STIM2: variants seen among roughly 807,000 people sequenced by gnomAD.
STIM2 encodes stromal interaction molecule 2.
Under a neutral mutation model 85.8 loss-of-function variants are expected in STIM2, and 31 were observed. The observed-to-expected ratio is 0.36, with a 90% confidence interval of 0.27 to 0.49. The LOEUF (loss-of-function observed/expected upper bound fraction) is 0.49. STIM2 is among the 20% of genes least tolerant of loss of function. The pLI is 0.98. For missense variants in STIM2, 841 were observed against 927.6 expected (o/e 0.91, Z 1.21); for synonymous variants, 356 against 331.1 (o/e 1.08, Z -0.82).
intron 1 of STIM2, among the ~76,000 whole-genome samples, chr4:26,907,513 TA>T (rs529103307): frequency 0.013 from 1,909 of 152,176 alleles, 20 homozygotes; most frequent in Non-Finnish European, 0.02. Context: ...AAGAGGGTAT[TA>T]AAAAAAACTT....
At chr4:26,935,851 T>C (rs1160173932) in intron 2 of STIM2, among the ~76,000 whole-genome samples, 1 of 152,234 alleles carries the variant, frequency 6.6e-6, no homozygotes, top group East Asian at 1.9e-4. Context: ...TTTTGCATTA[T>C]ATTTTTACAG....
chr4:26,864,832 G>T (rs77427500), intron 1 of STIM2, among the ~76,000 whole-genome samples: 2,802 of 152,224 alleles, frequency 0.018, 96 homozygotes, highest in African/African-American at 0.064. Flanking sequence ...CATCTGTGTT[G>T]TGGGGCTTTC....
intron 3 of STIM2, among the ~76,000 whole-genome samples, chr4:26,978,302 A>C (rs1211565618): frequency 6.7e-6 from 1 of 148,212 alleles, no homozygotes; most frequent in African/African-American, 2.4e-5. Flanking sequence ...TGAAAATATA[A>C]ATCTATATAT....
Position 26,919,445 on chromosome 4 carries a change from C to T in STIM2, c.152-59C>T. ...TTGGTTTTCTTTTAAATTATACTCT[C>T]TAACTATAGCCTTTGTTTTGGTATG... On this transcript the variant is annotated intron_variant, in intron 1 of 11. Coordinates refer to ENST00000467087, the MANE Select transcript of STIM2 (RefSeq NM_020860.4). The T allele has an allele frequency of 2.5e-6, 4 of 1,601,580 alleles. No homozygotes were observed. The South Asian group carries it at 4.5e-5, about 18-fold the overall frequency.
chr4:26,883,952 C>CAGT (rs1723114177), intron 1 of STIM2, among the ~76,000 whole-genome samples: 1 of 152,174 alleles, frequency 6.6e-6, no homozygotes, highest in Non-Finnish European at 1.5e-5. Context: ...TTACTGTGAA[C>CAGT]AGTAGTATTA....
chr4:26,908,081 A>C (rs919569806), intron 1 of STIM2, among the ~76,000 whole-genome samples: 2 of 152,020 alleles, frequency 1.3e-5, no homozygotes, highest in African/African-American at 4.8e-5. Context: ...ATAATTGTTC[A>C]AAAAAAATCC....
intron 2 of STIM2, among the ~76,000 whole-genome samples, chr4:26,923,103 C>T (rs1724867828): frequency 6.6e-6 from 1 of 150,998 alleles, no homozygotes; most frequent in African/African-American, 2.4e-5. Context: ...GAGGCACCCC[C>T]CAGCAGGGGC....
chr4:26,977,174 G>A (rs13134432), intron 3 of STIM2, among the ~76,000 whole-genome samples: 4,824 of 152,176 alleles, frequency 0.032, 118 homozygotes, highest in South Asian at 0.061. Context: ...CAGGTTTAGG[G>A]ACCAGCCACA....
intron 1 of STIM2, among the ~76,000 whole-genome samples, chr4:26,911,235 T>A (rs1393505796): frequency 1.6e-5 from 1 of 62,432 alleles, no homozygotes; most frequent in South Asian, 4.9e-4. Flanking sequence ...TCTCAAAAAA[T>A]AAATAAATAA....
chr4:26,952,073 A>G (rs550618437), intron 2 of STIM2, among the ~76,000 whole-genome samples: 2 of 152,278 alleles, frequency 1.3e-5, no homozygotes, highest in East Asian at 1.9e-4. Flanking sequence ...CGAGAACAGT[A>G]TGGGGGAAAC....
intron 2 of STIM2, among the ~76,000 whole-genome samples, chr4:26,945,737 T>C (rs1725809736): frequency 6.6e-6 from 1 of 152,222 alleles, no homozygotes; most frequent in African/African-American, 2.4e-5. Flanking sequence ...GTTGGCTGTA[T>C]GTATGTCGTA....
intron 11 of STIM2, 62 bp downstream of exon 11, chr4:27,018,046 G>A (rs1728795545): frequency 6.3e-7 from 1 of 1,579,990 alleles, no homozygotes; most frequent in Non-Finnish European, 8.6e-7. Flanking sequence ...GGTGTGAGGA[G>A]GGGGCGGGAG....
chr4:26,919,395 T>C, intron 1 of STIM2, 109 bp from the exon 2 acceptor site: 1 of 1,438,400 alleles, frequency 7.0e-7, no homozygotes, highest in Non-Finnish European at 9.5e-7. Flanking sequence ...TCTCTTAGTT[T>C]AACTTAGTCT....
intron 1 of STIM2, among the ~76,000 whole-genome samples, chr4:26,866,913 A>G (rs1722430285): frequency 6.6e-6 from 1 of 152,228 alleles, no homozygotes; most frequent in Non-Finnish European, 1.5e-5. Context: ...TTTTGTTAAT[A>G]AACTCTTGAA....
chr4:26,870,216 A>G (rs1489940047), intron 1 of STIM2, among the ~76,000 whole-genome samples: 2 of 152,100 alleles, frequency 1.3e-5, no homozygotes, highest in Non-Finnish European at 2.9e-5. Flanking sequence ...CTAATGTACA[A>G]CAGTGTGACT....
chr4:27,014,996 A>G (rs1728687326), intron 10 of STIM2, among the ~76,000 whole-genome samples: 1 of 151,850 alleles, frequency 6.6e-6, no homozygotes. Flanking sequence ...CTTTTGATTA[A>G]TATTTGCCTA....
At chr4:26,931,188 C>G (rs1255583330) in intron 2 of STIM2, among the ~76,000 whole-genome samples, 1 of 152,030 alleles carries the variant, frequency 6.6e-6, no homozygotes, top group Non-Finnish European at 1.5e-5. Flanking sequence ...AGAGGGAGCT[C>G]TGAGAGAAAG....
At chr4:26,928,811 AAGTT>A (rs1402820503) in intron 2 of STIM2, among the ~76,000 whole-genome samples, 125 of 152,356 alleles carry the variant, frequency 8.2e-4, no homozygotes, top group African/African-American at 3.0e-3. Flanking sequence ...GTTGTAATAA[AAGTT>A]AGAACTAAAT....
chr4:26,862,095 A>C (rs563536119), intron 1 of STIM2, among the ~76,000 whole-genome samples: 5 of 152,318 alleles, frequency 3.3e-5, no homozygotes, highest in South Asian at 2.1e-4. Context: ...TGCAGCTGGC[A>C]GCACAGTTCT....
Sources: gnomAD v4.1 joint callset for allele counts (sites outside exome capture counted in the v4.1 genomes callset) on GRCh38, gnomAD v4.1.1 for gene constraint, MANE v1.5 for transcripts, NCBI Gene and HGNC (gene_info 2026-07-23, HGNC 2026-07-21) for gene names.